Variants in SPATS2 observed in about 807,000 individuals in gnomAD.
SPATS2 encodes the protein spermatogenesis-associated serine-rich protein 2.
In SPATS2, 38 loss-of-function variants were observed where a neutral mutation model predicts 63.7. The ratio of observed to expected loss-of-function variants is 0.60; its 90% CI spans 0.46 to 0.78. The LOEUF (loss-of-function observed/expected upper bound fraction) is 0.78. Ranked by LOEUF, SPATS2 falls within the 30% of genes least tolerant of loss-of-function variation. The pLI is 0.00. For missense variants in SPATS2, 588 were observed against 666.2 expected, an observed-to-expected ratio of 0.88 and a Z score of 1.29; for synonymous variants, 207 against 232.9, an observed-to-expected ratio of 0.89 and a Z score of 1.01.
At chr12:49,502,694 C>A (rs1946585460) in intron 9 of SPATS2, among the ~76,000 whole-genome samples, 1 of 152,110 alleles carries the variant, frequency 6.6e-6, no homozygotes. Context: ...TGGGCCCAAG[C>A]AATCCTCTCA....
At chr12:49,497,523 T>C (rs948249985) in intron 8 of SPATS2, among the ~76,000 whole-genome samples, 1 of 151,914 alleles carries the variant, frequency 6.6e-6, no homozygotes, top group African/African-American at 2.4e-5. Flanking sequence ...GCCTACCAAG[T>C]AGCTGGGACT....
chr12:49,464,408 T>C (rs989733109), intron 3 of SPATS2, among the ~76,000 whole-genome samples: 1 of 149,700 alleles, frequency 6.7e-6, no homozygotes, highest in African/African-American at 2.5e-5. Context: ...TCATCTGAGG[T>C]TGGGAGTTCG....
chr12:49,525,860 T>C, intron 13 of SPATS2, 84 bp from the exon 14 acceptor site: 1 of 1,444,166 alleles, frequency 6.9e-7, no homozygotes, highest in Non-Finnish European at 9.3e-7. Flanking sequence ...ACCACAATTC[T>C]GCTTTCAGAA....
rs951472687 is a variant in SPATS2, at chr12:49,526,117, T to G, written c.1500T>G (p.Ile500Met). ...SAPSQAPGNT[I>M]ERGQTHSAGT... ...CATCTCAGGCACCAGGAAACACCAT[T>G]GAAAGAGGCCAGACTCACTCTGCAG... Residue 500 changes from isoleucine to methionine, a missense_variant, in exon 14 of 14, where the codon ATT becomes ATG. By Grantham distance (10) the Ile-to-Met change is conservative (BLOSUM62 1). Coordinates refer to ENST00000552918, the MANE Select transcript of SPATS2 (RefSeq NM_023071.4). The G allele has an allele frequency of 1.4e-5, 23 of 1,613,984 alleles. No homozygotes were observed. The African/African-American group carries it at 2.8e-4, about 20-fold the overall frequency.
intron 3 of SPATS2, among the ~76,000 whole-genome samples, chr12:49,478,129 C>G (rs1396051674): frequency 1.3e-5 from 2 of 151,782 alleles, no homozygotes; most frequent in Non-Finnish European, 2.9e-5. Context: ...TGCATGCATG[C>G]CAGCATGCCC....
intron 2 of SPATS2, among the ~76,000 whole-genome samples, chr12:49,444,388 A>T (rs1000476882): frequency 6.6e-6 from 1 of 151,516 alleles, no homozygotes; most frequent in African/African-American, 2.4e-5. Flanking sequence ...CAGCTAATTT[A>T]AATTTTTTTT....
At chr12:49,512,794 A>C in intron 9 of SPATS2, 6 of 1,155,382 alleles carry the variant, frequency 5.2e-6, no homozygotes, top group Non-Finnish European at 6.9e-6. Flanking sequence ...TGGCAACATA[A>C]GAGAGGTAAT....
At chr12:49,380,428 A>G (rs1397983626) in intron 2 of SPATS2, among the ~76,000 whole-genome samples, 1 of 152,098 alleles carries the variant, frequency 6.6e-6, no homozygotes, top group Non-Finnish European at 1.5e-5. Flanking sequence ...TTTATTGGCC[A>G]TGCACGGTGA....
At chr12:49,510,866 G>A (rs982248889) in intron 9 of SPATS2, among the ~76,000 whole-genome samples, 2 of 152,162 alleles carry the variant, frequency 1.3e-5, no homozygotes, top group African/African-American at 4.8e-5. Flanking sequence ...TTGTGTTAGA[G>A]ATATCAATGG....
At chr12:49,385,357 A>AGTGTGTGTGTGTGTGTGTGT (rs57896651) in intron 2 of SPATS2, among the ~76,000 whole-genome samples, 8 of 141,986 alleles carry the variant, frequency 5.6e-5, no homozygotes, top group African/African-American at 1.1e-4. Context: ...TAAGTATATA[A>AGTGTGTGTGTGTGTGTGTGT]GTGTGTGTGT....
rs577458966 is a variant in SPATS2 at position 49,436,499 on chromosome 12, G to A, written c.-243-24271G>A. On this transcript the variant is annotated intron_variant, in intron 2 of 13. Transcript: ENST00000552918. ...CAGGCAGAGGCGCCCCTTACCTCCC[G>A]GACGGGGCGGCTGGCCGGGCGGGGG... Among the ~76,000 whole-genome samples the A allele has an allele frequency of 8.2e-3, 1,137 of 138,024 alleles. 11 individuals carry two copies. The highest frequency in any genetic ancestry group is 0.014 in the Non-Finnish European group (882 of 62,942). 90.5% of individuals were successfully genotyped at this position (138,024 alleles called of 152,430 possible).
rs184086154 is a variant in SPATS2 at position 49,503,705 on chromosome 12, T to C, written c.839+3500T>C. ...TGTAGTAGGTCATCACAACTTTGCT[T>C]TGATAAGCCTCTGGTCTCCATGATT... On this transcript the variant is annotated intron_variant, in intron 9 of 13. Coordinates refer to ENST00000552918, the MANE Select transcript of SPATS2 (RefSeq NM_023071.4). 1.5e-4 allele frequency among the ~76,000 whole-genome samples: 23 copies of C among 152,164 alleles called. No individual in the cohort carries two copies. In the East Asian group the frequency reaches 3.5e-3, roughly 23 times the overall value.
At position 49,501,269 on chromosome 12, in the gene SPATS2, T is replaced by C. The variant is rs367914179; in HGVS notation, c.839+1064T>C. On this transcript the variant is annotated intron_variant, in intron 9 of 13. Transcript: ENST00000552918. ...TTACAGTTTTGGAGTCTGAGAAGTTTAAGGTCAAGGGGCCCACATCTTGGC... is the reference window on the plus strand; with the variant it reads ...TTACAGTTTTGGAGTCTGAGAAGTTCAAGGTCAAGGGGCCCACATCTTGGC... Among the ~76,000 whole-genome samples, 72 of 152,316 alleles carry C rather than the reference T, an allele frequency of 4.7e-4. No individual in the cohort carries two copies. In the South Asian group the frequency reaches 0.012, roughly 26 times the overall value.
intron 11 of SPATS2, among the ~76,000 whole-genome samples, chr12:49,520,729 T>G (rs1592483395): frequency 6.8e-6 from 1 of 148,004 alleles, no homozygotes; most frequent in African/African-American, 2.5e-5. Context: ...CCTTTTTAAT[T>G]TTTTTTTTTT....
intron 4 of SPATS2, among the ~76,000 whole-genome samples, chr12:49,487,639 C>G (rs957387731): frequency 1.3e-5 from 2 of 152,210 alleles, no homozygotes; most frequent in Non-Finnish European, 2.9e-5. Context: ...TTGCTGTCAC[C>G]CAGGCTGGAA....
chr12:49,395,476 A>G (rs1249849520), intron 2 of SPATS2, among the ~76,000 whole-genome samples: 1 of 151,106 alleles, frequency 6.6e-6, no homozygotes, highest in African/African-American at 2.4e-5. Context: ...CCAGGATGGA[A>G]TGCAGTGTCA....
chr12:49,519,535 A>G (rs1338918135), intron 11 of SPATS2, among the ~76,000 whole-genome samples: 1 of 152,282 alleles, frequency 6.6e-6, no homozygotes, highest in East Asian at 1.9e-4. Context: ...GGTTCTGTTC[A>G]TCCATTCTGT....
At chr12:49,470,402 G>A (rs769579258) in intron 3 of SPATS2, among the ~76,000 whole-genome samples, 1 of 152,020 alleles carries the variant, frequency 6.6e-6, no homozygotes, top group Non-Finnish European at 1.5e-5. Flanking sequence ...TGCTAGAAAT[G>A]TTTTGAGCCT....
In SPATS2 at chr12:49,380,168, T is replaced by TC. The variant is rs558047875; in HGVS notation, c.-244+8878_-244+8879insC. Among the ~76,000 whole-genome samples, 84 of 115,058 alleles carry TC rather than the reference T, an allele frequency of 7.3e-4. No homozygotes were observed. The South Asian group carries it at 0.012, about 17-fold the overall frequency. 75.5% of individuals were successfully genotyped at this position (115,058 alleles called of 152,430 possible). On this transcript the variant is annotated intron_variant, in intron 2 of 13. Transcript: ENST00000552918. ...TGTATCAACCTCATTCCTCTCTCTC[T>TC]TTTTTTTTTTTTTTTTGAGACAAAA...
Sources: gnomAD v4.1 joint callset for allele counts (sites outside exome capture counted in the v4.1 genomes callset) on GRCh38, gnomAD v4.1.1 for gene constraint, MANE v1.5 for transcripts, NCBI Gene and HGNC (gene_info 2026-07-23, HGNC 2026-07-21) for gene names.